SYT1: variants seen among roughly 807,000 people sequenced by gnomAD.
SYT1 encodes the protein synaptotagmin 1.
In SYT1, 8 loss-of-function variants were observed where a neutral mutation model predicts 44.8. That is an observed-to-expected ratio of 0.18 (90% CI 0.10 to 0.32). The LOEUF (loss-of-function observed/expected upper bound fraction) is 0.32, where lower values mean the gene tolerates loss of function less well. SYT1 is among the 10% of genes least tolerant of loss of function. The pLI is 1.00. For missense variants in SYT1, 286 were observed against 509.3 expected (o/e 0.56, Z 4.22); for synonymous variants, 154 against 188.8 (o/e 0.82, Z 1.51).
At chr12:79,251,397 C>A (rs1441894462) in intron 4 of SYT1, among the ~76,000 whole-genome samples, 1 of 151,936 alleles carries the variant, frequency 6.6e-6, no homozygotes, top group Non-Finnish European at 1.5e-5. Flanking sequence ...GAGGAAATCT[C>A]CCCAGAAAAT....
intron 8 of SYT1, among the ~76,000 whole-genome samples, chr12:79,346,876 T>C (rs982160814): frequency 6.6e-6 from 1 of 152,170 alleles, no homozygotes; most frequent in Non-Finnish European, 1.5e-5. Flanking sequence ...ATATAGTCCC[T>C]GCTCTTCTGG....
intron 2 of SYT1, among the ~76,000 whole-genome samples, chr12:79,028,127 C>T (rs1872637983): frequency 2.0e-5 from 3 of 151,404 alleles, no homozygotes; most frequent in South Asian, 4.1e-4. Flanking sequence ...TTTGTCATCT[C>T]AAAGGTATTT....
At chr12:79,108,357 ATG>A (rs1283738474) in intron 3 of SYT1, among the ~76,000 whole-genome samples, 1 of 152,080 alleles carries the variant, frequency 6.6e-6, no homozygotes, top group African/African-American at 2.4e-5. Flanking sequence ...ATGTAAACAT[ATG>A]TATCACTTAT....
chr12:78,925,049 CAT>C (rs1877225921), intron 1 of SYT1, among the ~76,000 whole-genome samples: 1 of 151,776 alleles, frequency 6.6e-6, no homozygotes, highest in Admixed American at 6.6e-5. Context: ...TATATTTATA[CAT>C]GTTTATGAGT....
intron 2 of SYT1, among the ~76,000 whole-genome samples, chr12:78,986,614 C>A (rs1869658096): frequency 6.6e-6 from 1 of 151,944 alleles, no homozygotes. Context: ...AATCGCATTT[C>A]TCCTGACAGG....
intron 1 of SYT1, among the ~76,000 whole-genome samples, chr12:78,868,390 G>A (rs1873652723): frequency 6.6e-6 from 1 of 151,676 alleles, no homozygotes; most frequent in African/African-American, 2.4e-5. Flanking sequence ...ATCTGATGTA[G>A]TTGTGATATT....
At chr12:79,338,749 C>T (rs1228023545) in intron 8 of SYT1, among the ~76,000 whole-genome samples, 1 of 149,566 alleles carries the variant, frequency 6.7e-6, no homozygotes, top group African/African-American at 2.5e-5. Context: ...TATACATGTG[C>T]TGTGTTGGTT....
At chr12:79,375,482 T>G (rs960176385) in intron 9 of SYT1, among the ~76,000 whole-genome samples, 6 of 152,180 alleles carry the variant, frequency 3.9e-5, no homozygotes. Context: ...CTGCAGGGAT[T>G]TAAGCAGGGA....
At chr12:79,136,365 C>A (rs1397539413) in intron 3 of SYT1, among the ~76,000 whole-genome samples, 2 of 152,110 alleles carry the variant, frequency 1.3e-5, no homozygotes, top group African/African-American at 4.8e-5. Flanking sequence ...GATTCATTAG[C>A]TCACAAGAGT....
At chr12:79,323,353 G>T (rs994971317) in intron 8 of SYT1, among the ~76,000 whole-genome samples, 25 of 152,230 alleles carry the variant, frequency 1.6e-4, no homozygotes, top group African/African-American at 5.5e-4. Flanking sequence ...CCATATATCA[G>T]CCCTTGCTGA....
chr12:79,064,940 G>T (rs145074488), intron 3 of SYT1, among the ~76,000 whole-genome samples: 119 of 119,904 alleles, frequency 9.9e-4, no homozygotes, highest in Admixed American at 9.1e-3. Context: ...AAGAAAGAAA[G>T]AAAGAAAGAA....
At position 79,329,940 on chromosome 12, in the gene SYT1, CTT is replaced by C. The variant is rs1881782179; in HGVS notation, c.811-23557_811-23556del. Among the ~76,000 whole-genome samples the C allele has an allele frequency of 2.0e-5, 3 of 152,284 alleles. No homozygotes were observed. In the South Asian group the frequency reaches 6.2e-4, roughly 32 times the overall value. On this transcript the variant is annotated intron_variant, in intron 8 of 10. Transcript: ENST00000261205. ...TAATCCCTTTCTTGCATTTATCCCT[CTT>C]TTTTGCAGAAAGCATATCTTTCCAC...
At chr12:79,388,790 A>C (rs1019416537) in intron 9 of SYT1, among the ~76,000 whole-genome samples, 12 of 152,220 alleles carry the variant, frequency 7.9e-5, no homozygotes, top group African/African-American at 2.4e-4. Context: ...AAAAACTTAC[A>C]GAACAAGCAG....
chr12:79,292,017 G>C lies in SYT1; in HGVS notation c.361G>C (p.Asp121His), dbSNP rs1483471349. 6.2e-7 allele frequency: 1 copy of C among 1,613,742 alleles called. No homozygotes were observed. Among genetic ancestry groups the C allele is most frequent in the African/African-American group, 1.3e-5 (1 of 74,850 alleles). ...GKTMKDQALKDDDAETGLTDG... is the reference protein window; with the variant it reads ...GKTMKDQALKHDDAETGLTDG... ...CTTTCTCTATACATAGGCCCTCAAG[G>C]ATGATGATGCTGAAACTGGATTGAC... The change falls in exon 6 of 11, where the codon GAT becomes CAT. Residue 121 changes from aspartate (D) to histidine (H), a missense_variant. Physicochemically the swap from Asp to His is moderately conservative, Grantham distance 81. Coordinates refer to ENST00000261205, the MANE Select transcript of SYT1 (RefSeq NM_005639.3).
chr12:79,028,212 C>T (rs554568449), intron 2 of SYT1, among the ~76,000 whole-genome samples: 17 of 151,420 alleles, frequency 1.1e-4, no homozygotes, highest in South Asian at 8.3e-4. Context: ...TTCTGTCTGT[C>T]GAGTTATTTT....
chr12:79,253,385 G>T (rs1185907610), intron 4 of SYT1, among the ~76,000 whole-genome samples: 5 of 151,600 alleles, frequency 3.3e-5, no homozygotes, highest in Non-Finnish European at 7.4e-5. Flanking sequence ...TGTTACTATT[G>T]TAATTGGGGG....
intron 3 of SYT1, among the ~76,000 whole-genome samples, chr12:79,197,785 ATCC>A (rs1452725311): frequency 6.6e-6 from 1 of 152,196 alleles, no homozygotes; most frequent in Non-Finnish European, 1.5e-5. Context: ...AGTATTTAAA[ATCC>A]AACACACTCT....
chr12:79,066,247 TA>T (rs1158579151), intron 3 of SYT1, among the ~76,000 whole-genome samples: 1 of 152,078 alleles, frequency 6.6e-6, no homozygotes, highest in Non-Finnish European at 1.5e-5. Flanking sequence ...AGAAGCAGGG[TA>T]AACACCACAT....
intron 2 of SYT1, among the ~76,000 whole-genome samples, chr12:79,018,359 G>A (rs1446339334): frequency 1.4e-5 from 2 of 142,108 alleles, no homozygotes; most frequent in East Asian, 4.6e-4. Context: ...TAGGGGAGGG[G>A]GGAGGGATAG....
Sources: gnomAD v4.1 joint callset for allele counts (sites outside exome capture counted in the v4.1 genomes callset) on GRCh38, gnomAD v4.1.1 for gene constraint, MANE v1.5 for transcripts, NCBI Gene and HGNC (gene_info 2026-07-23, HGNC 2026-07-21) for gene names.